The following MBTD1 variants were observed in gnomAD, a reference collection of about 807,000 sequenced individuals.
The protein encoded by MBTD1 is MBT domain-containing protein 1.
A neutral mutation model predicts 87.8 loss-of-function variants in MBTD1; 24 were observed. The ratio of observed to expected loss-of-function variants is 0.27; its 90% CI spans 0.20 to 0.38. The LOEUF is 0.38. Among genes scored for constraint, MBTD1 ranks in the 10% least tolerant of loss-of-function variants. The probability of loss-of-function intolerance (pLI) is 1.00; values close to 1 mark genes in which losing one functional copy is unlikely to be tolerated. For missense variants in MBTD1, 436 were observed against 760.2 expected (o/e 0.57, Z 5.02); for synonymous variants, 237 against 248.6 (o/e 0.95, Z 0.44).
intron 16 of MBTD1, chr17:51,185,278 T>C (rs1177785833): frequency 6.6e-6 from 1 of 152,252 alleles, no homozygotes; most frequent in Non-Finnish European, 1.5e-5. Flanking sequence ...AGGTATAACT[T>C]TGGCTTTGAA....
intron 2 of MBTD1, chr17:51,251,553 T>G (rs976598972): frequency 6.6e-6 from 1 of 152,248 alleles, no homozygotes; most frequent in African/African-American, 2.4e-5. Flanking sequence ...GTACCTTGTC[T>G]AAAGCTTTCA....
chr17:51,248,232 TTTTATC>T (rs542394336), intron 2 of MBTD1, among the ~76,000 whole-genome samples: 208 of 152,340 alleles, frequency 1.4e-3, no homozygotes, highest in African/African-American at 4.6e-3. Context: ...TAACTTCTAC[TTTTATC>T]TTTATTTCCT....
intron 12 of MBTD1, among the ~76,000 whole-genome samples, chr17:51,195,939 G>A (rs1568159148): frequency 7.9e-5 from 12 of 152,106 alleles, no homozygotes; most frequent in African/African-American, 4.8e-5. Flanking sequence ...ACAAGGTCTC[G>A]CTCTGTCACT....
intron 12 of MBTD1, 106 bp downstream of exon 12, chr17:51,201,486 C>T (rs1034248120): frequency 1.6e-6 from 1 of 645,046 alleles, no homozygotes; most frequent in South Asian, 2.1e-5. Flanking sequence ...TGAAGATATA[C>T]ACATACACAT....
chr17:51,193,320 T>A, intron 14 of MBTD1, 108 bp downstream of exon 14: 1 of 714,596 alleles, frequency 1.4e-6, no homozygotes, highest in South Asian at 2.0e-5. Context: ...TTATATTATA[T>A]CTCCACTAAG....
intron 2 of MBTD1, among the ~76,000 whole-genome samples, chr17:51,256,041 A>G (rs971738138): frequency 1.4e-4 from 21 of 152,240 alleles, no homozygotes; most frequent in African/African-American, 4.8e-4. Context: ...ACGTTGAACA[A>G]ACTAATGAGT....
chr17:51,210,486 T>C (rs1002217206), intron 6 of MBTD1, among the ~76,000 whole-genome samples: 18 of 152,044 alleles, frequency 1.2e-4, no homozygotes, highest in African/African-American at 3.6e-4. Flanking sequence ...CCAGGTGTGG[T>C]GGCTCACGCC....
chr17:51,213,230 C>T (rs2052360623), intron 6 of MBTD1, among the ~76,000 whole-genome samples: 1 of 151,786 alleles, frequency 6.6e-6, no homozygotes, highest in Admixed American at 6.6e-5. Flanking sequence ...TGAGGTCTCA[C>T]TATGTTGCTC....
chr17:51,260,625 G>C (rs770614722), upstream of MBTD1: 2 of 1,612,580 alleles, frequency 1.2e-6, no homozygotes, highest in Non-Finnish European at 1.7e-6. Context: ...CTGGACCGGA[G>C]AACCGGAGCG....
intron 2 of MBTD1, among the ~76,000 whole-genome samples, chr17:51,230,063 C>T (rs2053465718): frequency 6.6e-6 from 1 of 152,188 alleles, no homozygotes; most frequent in East Asian, 1.9e-4. Context: ...TCAGTCTTCC[C>T]TAGCTTGGTC....
rs2144362808 is a variant in MBTD1, at chr17:51,259,989, G to C, written c.-267C>G. The C allele has an allele frequency of 1.5e-6, 1 of 680,648 alleles. No homozygotes were observed. Among genetic ancestry groups the C allele is most frequent in the Non-Finnish European group, 2.1e-6 (1 of 484,724 alleles). 42.2% of individuals were successfully genotyped at this position (680,648 alleles called of 1,614,324 possible). A position where few individuals can be genotyped will look rare whatever the true frequency, so the allele number is the denominator to read the frequency against. ...CCGGCTGGGCCCAGACCGGTGGCGG[G>C]TGCAGCAGCCCCCGGATTTCCCCCC... On this transcript the variant is annotated 5_prime_UTR_variant, in exon 1 of 17. Transcript: ENST00000586178.
intron 6 of MBTD1, chr17:51,209,414 G>A (rs1243447056): frequency 2.1e-6 from 1 of 471,026 alleles, no homozygotes; most frequent in Non-Finnish European, 4.4e-6. Flanking sequence ...GGGCTATCTG[G>A]GAGCGACTCT....
chr17:51,209,714 A>G (rs1245076410), intron 6 of MBTD1, among the ~76,000 whole-genome samples: 1 of 152,174 alleles, frequency 6.6e-6, no homozygotes, highest in East Asian at 1.9e-4. Context: ...ACAATCTTTA[A>G]TATTAATCTG....
At chr17:51,253,819 C>G (rs2054932157) in intron 2 of MBTD1, among the ~76,000 whole-genome samples, 1 of 152,156 alleles carries the variant, frequency 6.6e-6, no homozygotes, top group Admixed American at 6.5e-5. Flanking sequence ...CCTATGAAAT[C>G]TACAAGGGAA....
intron 2 of MBTD1, among the ~76,000 whole-genome samples, chr17:51,234,731 T>C (rs959717569): frequency 6.6e-5 from 10 of 152,368 alleles, no homozygotes; most frequent in Non-Finnish European, 1.5e-4. Flanking sequence ...TTCGCTCTTG[T>C]CGCCCAGGCT....
intron 2 of MBTD1, among the ~76,000 whole-genome samples, chr17:51,254,479 A>C (rs1234891136): frequency 6.6e-6 from 1 of 152,224 alleles, no homozygotes; most frequent in African/African-American, 2.4e-5. Flanking sequence ...TAACCCATCT[A>C]AAGAAATGGA....
chr17:51,234,876 C>T (rs1052075473), intron 2 of MBTD1, among the ~76,000 whole-genome samples: 28 of 151,792 alleles, frequency 1.8e-4, no homozygotes, highest in Admixed American at 5.9e-4. Flanking sequence ...TTTGTATTTT[C>T]AGTAGAGATG....
chr17:51,231,604 G>C (rs549551538), intron 2 of MBTD1, among the ~76,000 whole-genome samples: 1 of 152,186 alleles, frequency 6.6e-6, no homozygotes, highest in African/African-American at 2.4e-5. Flanking sequence ...TTAGAGAAAT[G>C]TTCTCTGATC....
At chr17:51,214,392 C>A (rs1436614056) in intron 6 of MBTD1, among the ~76,000 whole-genome samples, 2 of 151,960 alleles carry the variant, frequency 1.3e-5, no homozygotes, top group East Asian at 3.9e-4. Context: ...CAGGAATTAT[C>A]AAAAAAGATA....
Sources: gnomAD v4.1 joint callset for allele counts (sites outside exome capture counted in the v4.1 genomes callset) on GRCh38, gnomAD v4.1.1 for gene constraint, MANE v1.5 for transcripts, NCBI Gene and HGNC (gene_info 2026-07-23, HGNC 2026-07-21) for gene names.